The following MALRD1 variants were observed in gnomAD, a reference collection of about 807,000 sequenced individuals.
The protein encoded by MALRD1 is MAM and LDL-receptor class A domain-containing protein 1.
Under a neutral mutation model 242.1 loss-of-function variants are expected in MALRD1, and 247 were observed. The ratio of observed to expected loss-of-function variants is 1.02; its 90% CI spans 0.92 to 1.13. The LOEUF (loss-of-function observed/expected upper bound fraction) is 1.13. MALRD1 is among the 50% of genes most tolerant of loss of function. The pLI is 0.00. For missense variants in MALRD1, 2,989 were observed against 2,533.1 expected (o/e 1.18, Z -3.86); for synonymous variants, 995 against 866.6 (o/e 1.15, Z -2.60).
chr10:19,234,019 C>A, intron 18 of MALRD1, among the ~76,000 whole-genome samples: 1 of 151,694 alleles, frequency 6.6e-6, no homozygotes. Flanking sequence ...AATGTAATTT[C>A]CCAGCTTTTA....
chr10:19,359,087 T>A (rs1326687188), intron 26 of MALRD1, among the ~76,000 whole-genome samples: 4 of 152,140 alleles, frequency 2.6e-5, no homozygotes, highest in Non-Finnish European at 5.9e-5. Flanking sequence ...GAAATTATAG[T>A]TTTGAACGTA....
chr10:19,285,244 C>A (rs1350858560), intron 21 of MALRD1, among the ~76,000 whole-genome samples: 1 of 142,836 alleles, frequency 7.0e-6, no homozygotes, highest in Non-Finnish European at 1.5e-5. Context: ...TGTGCAGAAG[C>A]TCTTTAGTTT....
intron 31 of MALRD1, among the ~76,000 whole-genome samples, chr10:19,504,306 T>G (rs1454285149): frequency 6.6e-6 from 1 of 152,202 alleles, no homozygotes. Flanking sequence ...GACATCACTG[T>G]AGTGTGTTCT....
In MALRD1 at chr10:19,596,652, G is replaced by C. The variant is rs546683261; in HGVS notation, c.5944+1195G>C. The stretch of plus-strand genomic sequence containing the variant: ...AGGCTGAGGTGGAAGGATTGCTTGG[G>C]CCCAGGAGTTTGAGGCTGCAGTGAA... On this transcript the variant is annotated intron_variant, in intron 34 of 39. Coordinates refer to ENST00000454679, the MANE Select transcript of MALRD1 (RefSeq NM_001142308.3). Among the ~76,000 whole-genome samples, 13 of 152,074 alleles carry C rather than the reference G, an allele frequency of 8.5e-5. No homozygotes were observed. In the South Asian group the frequency reaches 2.1e-3, roughly 24 times the overall value.
chr10:19,460,336 A>T (rs899567351), intron 29 of MALRD1, among the ~76,000 whole-genome samples: 41 of 152,300 alleles, frequency 2.7e-4, no homozygotes, highest in African/African-American at 9.4e-4. Flanking sequence ...AACAGTTAAC[A>T]ACCAAATCTA....
Position 19,283,055 on chromosome 10 carries a change from G to A in MALRD1, c.3293G>A (p.Cys1098Tyr), listed in dbSNP as rs1406486335. 3.2e-6 allele frequency: 5 copies of A among 1,549,228 alleles called. No homozygotes were observed. The highest frequency in any genetic ancestry group is 2.7e-5 in the African/African-American group (2 of 73,104). Residue 1098 changes from cysteine to tyrosine, a missense_variant, in exon 21 of 40, where the codon TGT becomes TAT. Coordinates refer to ENST00000454679, the MANE Select transcript of MALRD1 (RefSeq NM_001142308.3). ...EVCSFEKRSL[C>Y]KWYQPIPVHL... ...TGCAGCTTTGAGAAAAGAAGCCTGT[G>A]TAAATGGTATCAACCAATCCCAGTA... is the stretch of plus-strand genomic sequence containing the variant.
At chr10:19,611,710 C>A (rs1224380592) in intron 35 of MALRD1, among the ~76,000 whole-genome samples, 7 of 151,976 alleles carry the variant, frequency 4.6e-5, no homozygotes, top group Non-Finnish European at 8.8e-5. Context: ...CGTCTCCTTC[C>A]CCATTTCATT....
At chr10:19,380,426 A>G (rs1448779105) in intron 26 of MALRD1, among the ~76,000 whole-genome samples, 1 of 151,684 alleles carries the variant, frequency 6.6e-6, no homozygotes. Flanking sequence ...TGTATGAATT[A>G]TTCCCCTCAG....
chr10:19,380,310 T>A (rs574205171), intron 26 of MALRD1, among the ~76,000 whole-genome samples: 1 of 151,084 alleles, frequency 6.6e-6, no homozygotes, highest in Non-Finnish European at 1.5e-5. Flanking sequence ...TGACCCTTTA[T>A]TACTGCAAAA....
chr10:19,545,138 C>T (rs1376206583), intron 32 of MALRD1, among the ~76,000 whole-genome samples: 2 of 152,158 alleles, frequency 1.3e-5, no homozygotes, highest in Non-Finnish European at 2.9e-5. Flanking sequence ...ACAAGGTCTT[C>T]CCTCTATGCA....
At chr10:19,434,950 C>G (rs1395643486) in intron 28 of MALRD1, among the ~76,000 whole-genome samples, 1 of 151,282 alleles carries the variant, frequency 6.6e-6, no homozygotes, top group African/African-American at 2.4e-5. Flanking sequence ...ATTGGACATA[C>G]CAGACACAAA....
chr10:19,427,362 A>G (rs1368461769), intron 28 of MALRD1, among the ~76,000 whole-genome samples: 4 of 152,210 alleles, frequency 2.6e-5, no homozygotes, highest in African/African-American at 9.7e-5. Context: ...GAGAGGCTAA[A>G]CCAAATCAAA....
At chr10:19,514,084 C>T (rs3904486) in intron 31 of MALRD1, among the ~76,000 whole-genome samples, 3 of 152,030 alleles carry the variant, frequency 2.0e-5, no homozygotes, top group African/African-American at 7.3e-5. Flanking sequence ...TTTCAGGAAC[C>T]TAACAGAATA....
chr10:19,693,030 C>A (rs1833176991), intron 38 of MALRD1, among the ~76,000 whole-genome samples: 1 of 151,874 alleles, frequency 6.6e-6, no homozygotes, highest in Non-Finnish European at 1.5e-5. Flanking sequence ...AACAGCCCTT[C>A]ATGCTAAAAA....
chr10:19,108,380 G>GTTTTTTTTTTTTTTTTT, intron 5 of MALRD1, among the ~76,000 whole-genome samples: 1 of 21,280 alleles, frequency 4.7e-5, no homozygotes, highest in Non-Finnish European at 8.1e-5. Context: ...CTCATGAATT[G>GTTTTTTTTTTTTTTTTT]TTTTTTCTTT....
chr10:19,409,796 T>C (rs1833197116), intron 28 of MALRD1, among the ~76,000 whole-genome samples: 1 of 152,178 alleles, frequency 6.6e-6, no homozygotes, highest in Non-Finnish European at 1.5e-5. Context: ...TACATTCTAG[T>C]AGTGATTTAG....
intron 13 of MALRD1, among the ~76,000 whole-genome samples, chr10:19,169,237 G>A (rs571141040): frequency 1.3e-5 from 2 of 152,142 alleles, no homozygotes; most frequent in African/African-American, 4.8e-5. Context: ...TCAGCTCTGA[G>A]CTATTCACAT....
chr10:19,347,570 G>T (rs948896696), intron 24 of MALRD1, among the ~76,000 whole-genome samples: 1 of 152,242 alleles, frequency 6.6e-6, no homozygotes, highest in South Asian at 2.1e-4. Context: ...CAGATTTGTA[G>T]AGAAATGAAC....
At chr10:19,628,437 CTT>C (rs1564497345) in intron 36 of MALRD1, among the ~76,000 whole-genome samples, 1 of 151,956 alleles carries the variant, frequency 6.6e-6, no homozygotes, top group Non-Finnish European at 1.5e-5. Context: ...GTATGTAACA[CTT>C]TTTTAAAATA....
Sources: gnomAD v4.1 joint callset for allele counts (sites outside exome capture counted in the v4.1 genomes callset) on GRCh38, gnomAD v4.1.1 for gene constraint, MANE v1.5 for transcripts, NCBI Gene and HGNC (gene_info 2026-07-23, HGNC 2026-07-21) for gene names.